Variants in GRM7 observed in about 807,000 individuals in gnomAD.
GRM7 encodes the protein glutamate metabotropic receptor 7.
GRM7 carries 35 observed loss-of-function variants against 84.5 expected under a neutral mutation model. That is an observed-to-expected ratio of 0.41 (90% CI 0.32 to 0.55). The LOEUF is 0.55. Ranked by LOEUF, GRM7 falls within the 20% of genes least tolerant of loss-of-function variation. The pLI is 0.19. For missense variants in GRM7, 1,003 were observed against 1,194.6 expected (o/e 0.84, Z 2.36); for synonymous variants, 487 against 455.1 (o/e 1.07, Z -0.89).
At chr3:7,688,648 C>T (rs2125148776) in intron 9 of GRM7, among the ~76,000 whole-genome samples, 1 of 152,214 alleles carries the variant, frequency 6.6e-6, no homozygotes, top group South Asian at 2.1e-4. Flanking sequence ...AAAGAAGTCT[C>T]TTAAGGTTAT....
chr3:7,539,559 C>G (rs1692751833), intron 7 of GRM7, among the ~76,000 whole-genome samples: 1 of 151,706 alleles, frequency 6.6e-6, no homozygotes, highest in African/African-American at 2.4e-5. Context: ...GCCTGTAATC[C>G]CAGCTACTCA....
At chr3:7,234,795 A>G (rs1012382264) in intron 2 of GRM7, among the ~76,000 whole-genome samples, 2 of 152,184 alleles carry the variant, frequency 1.3e-5, no homozygotes, top group Non-Finnish European at 2.9e-5. Context: ...GATATGGAAA[A>G]GATTCCTGAT....
At chr3:6,987,180 T>G (rs1266632725) in intron 1 of GRM7, among the ~76,000 whole-genome samples, 1 of 152,200 alleles carries the variant, frequency 6.6e-6, no homozygotes, top group East Asian at 1.9e-4. Context: ...TATTGACAAC[T>G]GTTTCTTGTG....
intron 9 of GRM7, chr3:7,694,386 C>CTGAT (rs2125153393): frequency 1.1e-6 from 1 of 940,848 alleles, no homozygotes; most frequent in East Asian, 1.2e-4. Context: ...AGATTCCCAT[C>CTGAT]TGATATTCTT....
chr3:7,399,170 C>T (rs1381944824), intron 4 of GRM7, among the ~76,000 whole-genome samples: 6 of 104,938 alleles, frequency 5.7e-5, no homozygotes. Context: ...ATTTAAAAAA[C>T]AACAAGAACA....
intron 2 of GRM7, among the ~76,000 whole-genome samples, chr3:7,226,333 G>T (rs1475584534): frequency 4.6e-5 from 7 of 152,142 alleles, no homozygotes; most frequent in African/African-American, 1.7e-4. Context: ...GGCTCCTTCA[G>T]GTTGCTGGCA....
In GRM7 at chr3:6,949,991, G is replaced by A. The variant is rs536552104; in HGVS notation, c.519+88084G>A. Among the ~76,000 whole-genome samples, 10 of 152,058 alleles carry A rather than the reference G, an allele frequency of 6.6e-5. No homozygotes were observed. The South Asian group carries it at 1.7e-3, about 25-fold the overall frequency. On this transcript the variant is annotated intron_variant, in intron 1 of 9. Transcript: ENST00000357716. ...TTTCAAAGTTTTTAATTTCTTTGCC[G>A]TTGGTTCGAACTTCCTTCTTTAGCT...
At chr3:7,515,435 G>A (rs545012424) in intron 7 of GRM7, among the ~76,000 whole-genome samples, 1 of 152,206 alleles carries the variant, frequency 6.6e-6, no homozygotes, top group Admixed American at 6.5e-5. Context: ...ACCAGACATT[G>A]TCCATGTTCC....
At chr3:6,882,211 GGAAAATTAATGCA>G (rs1695539002) in intron 1 of GRM7, among the ~76,000 whole-genome samples, 1 of 151,918 alleles carries the variant, frequency 6.6e-6, no homozygotes, top group African/African-American at 2.4e-5. Flanking sequence ...ATGAATTTGT[GGAAAATTAATGCA>G]GAAAAAAAGG....
At chr3:7,053,846 C>G (rs868766407) in intron 1 of GRM7, among the ~76,000 whole-genome samples, 3 of 150,654 alleles carry the variant, frequency 2.0e-5, no homozygotes, top group Non-Finnish European at 4.4e-5. Context: ...TATTATAGGC[C>G]CTTTACTTTC....
intron 7 of GRM7, among the ~76,000 whole-genome samples, chr3:7,497,586 T>C (rs1364552293): frequency 6.6e-6 from 1 of 152,208 alleles, no homozygotes; most frequent in African/African-American, 2.4e-5. Flanking sequence ...TGTCTGCATG[T>C]TCTTTTTCAT....
intron 2 of GRM7, among the ~76,000 whole-genome samples, chr3:7,272,736 T>C (rs1698911774): frequency 6.6e-6 from 1 of 152,080 alleles, no homozygotes; most frequent in Non-Finnish European, 1.5e-5. Context: ...CTGTTCTTTG[T>C]CTTTTTTTTT....
intron 2 of GRM7, among the ~76,000 whole-genome samples, chr3:7,279,648 A>G (rs1699189154): frequency 6.6e-6 from 1 of 152,154 alleles, no homozygotes; most frequent in East Asian, 1.9e-4. Flanking sequence ...GCCCTACAAT[A>G]AAAGAGTTGG....
intron 8 of GRM7, among the ~76,000 whole-genome samples, chr3:7,612,213 A>C (rs567298380): frequency 2.6e-5 from 4 of 152,318 alleles, no homozygotes; most frequent in African/African-American, 7.2e-5. Flanking sequence ...CCAGCTCATC[A>C]CTTTTGGGTT....
chr3:7,400,864 G>A (rs1341617373), intron 4 of GRM7, among the ~76,000 whole-genome samples: 1 of 152,136 alleles, frequency 6.6e-6, no homozygotes, highest in Non-Finnish European at 1.5e-5. Context: ...GTTTCAGTGT[G>A]CACATTCACC....
At chr3:7,293,441 C>T (rs1047057828) in intron 2 of GRM7, among the ~76,000 whole-genome samples, 10 of 152,252 alleles carry the variant, frequency 6.6e-5, no homozygotes, top group Middle Eastern at 3.4e-3. Context: ...TCTCTCAAGC[C>T]TTTGACAGCG....
intron 4 of GRM7, among the ~76,000 whole-genome samples, chr3:7,335,389 CCT>C (rs1055597546): frequency 2.0e-5 from 3 of 151,898 alleles, no homozygotes; most frequent in African/African-American, 7.3e-5. Context: ...CCTATCAAAA[CCT>C]CTGGGATACA....
At chr3:7,676,001 CT>C (rs376141817) in intron 8 of GRM7, among the ~76,000 whole-genome samples, 2,787 of 148,596 alleles carry the variant, frequency 0.019, 80 homozygotes, top group African/African-American at 0.064. Flanking sequence ...GCACATCGGA[CT>C]TTTTTTTTTG....
intron 2 of GRM7, among the ~76,000 whole-genome samples, chr3:7,166,710 C>T (rs1187002548): frequency 6.6e-6 from 1 of 152,198 alleles, no homozygotes; most frequent in Non-Finnish European, 1.5e-5. Context: ...TATTAACGAA[C>T]AGATGCCGCT....
Sources: gnomAD v4.1 joint callset for allele counts (sites outside exome capture counted in the v4.1 genomes callset) on GRCh38, gnomAD v4.1.1 for gene constraint, MANE v1.5 for transcripts, NCBI Gene and HGNC (gene_info 2026-07-23, HGNC 2026-07-21) for gene names.